The following MAST4 variants were observed in gnomAD, a reference collection of about 807,000 sequenced individuals.
MAST4 encodes the protein microtubule-associated serine/threonine-protein kinase 4.
MAST4 carries 89 observed loss-of-function variants against 162.7 expected under a neutral mutation model. The observed-to-expected ratio is 0.55, with a 90% CI of 0.46 to 0.65. The LOEUF (loss-of-function observed/expected upper bound fraction) is 0.65. Ranked by LOEUF, MAST4 falls within the 30% of genes least tolerant of loss-of-function variation. The pLI is 0.00. For synonymous variants in MAST4, 1,479 were observed against 1,361.1 expected (o/e 1.09, Z -1.91); for missense variants, 3,153 against 3,374.0 (o/e 0.93, Z 1.62).
At chr5:66,941,334 T>C (rs756167439) in intron 4 of MAST4, among the ~76,000 whole-genome samples, 4 of 152,172 alleles carry the variant, frequency 2.6e-5, no homozygotes, top group Non-Finnish European at 4.4e-5. Context: ...TAACATGTTG[T>C]TTAGTGTAGC....
chr5:67,079,251 C>A (rs1762319020), intron 5 of MAST4, among the ~76,000 whole-genome samples: 2 of 151,748 alleles, frequency 1.3e-5, no homozygotes, highest in Admixed American at 6.6e-5. Context: ...ATGATGCTAA[C>A]TGAAATATTG....
chr5:66,838,432 G>A (rs1758183254), intron 3 of MAST4, among the ~76,000 whole-genome samples: 2 of 152,130 alleles, frequency 1.3e-5, no homozygotes, highest in South Asian at 4.1e-4. Context: ...AACTGTTTGT[G>A]TCAGAGAACT....
intron 3 of MAST4, among the ~76,000 whole-genome samples, chr5:66,863,335 T>A (rs928262063): frequency 6.6e-6 from 1 of 152,042 alleles, no homozygotes; most frequent in African/African-American, 2.4e-5. Flanking sequence ...AACAGAAAAA[T>A]TTTGAAGGTG....
chr5:66,739,316 G>T (rs1752348398), intron 1 of MAST4, among the ~76,000 whole-genome samples: 1 of 152,122 alleles, frequency 6.6e-6, no homozygotes, highest in South Asian at 2.1e-4. Flanking sequence ...TTCGGTTGTG[G>T]GGGCAGCAGT....
intron 2 of MAST4, among the ~76,000 whole-genome samples, chr5:66,768,002 A>G (rs1305899693): frequency 6.6e-6 from 1 of 152,180 alleles, no homozygotes; most frequent in Non-Finnish European, 1.5e-5. Context: ...AATCCAGTCA[A>G]GTTGACACTC....
intron 1 of MAST4, among the ~76,000 whole-genome samples, chr5:66,687,925 G>A (rs2149492397): frequency 6.6e-6 from 1 of 152,276 alleles, no homozygotes; most frequent in South Asian, 2.1e-4. Context: ...GTTTGAAGAT[G>A]ATGTGGCAGT....
At chr5:66,621,395 G>A (rs1202951992) in intron 1 of MAST4, among the ~76,000 whole-genome samples, 1 of 152,180 alleles carries the variant, frequency 6.6e-6, no homozygotes, top group Non-Finnish European at 1.5e-5. Context: ...TGTTTGGATA[G>A]CATGTCTAAG....
chr5:66,739,521 G>A (rs1265133392), intron 1 of MAST4, among the ~76,000 whole-genome samples: 2 of 152,088 alleles, frequency 1.3e-5, no homozygotes, highest in African/African-American at 4.8e-5. Flanking sequence ...CATATATAGA[G>A]GCATTTCGAC....
At chr5:66,743,790 T>A (rs762514480) in intron 1 of MAST4, among the ~76,000 whole-genome samples, 9 of 152,232 alleles carry the variant, frequency 5.9e-5, no homozygotes, top group Non-Finnish European at 1.0e-4. Context: ...CTTGGAATTT[T>A]AAAATTTTTT....
At chr5:66,866,175 G>A (rs1328326952) in intron 3 of MAST4, among the ~76,000 whole-genome samples, 1 of 149,004 alleles carries the variant, frequency 6.7e-6, no homozygotes, top group Non-Finnish European at 1.5e-5. Flanking sequence ...TGAACATTAG[G>A]GTGAAAAAAG....
chr5:67,166,664 A>G lies in MAST4; in HGVS notation c.7485A>G (p.Pro2495=). ...AKAAGGMLEL[P]APSNRDHRKA... ...CCGCCGGGGGCATGCTGGAGCTTCC[A>G]GCCCCCAGCAACAGGGACCATAGGA... The change falls in exon 29 of 29, where the codon CCA becomes CCG. Residue 2495 remains proline, a synonymous_variant. Coordinates refer to ENST00000403625, the MANE Select transcript of MAST4 (RefSeq NM_001164664.2). 1 of 1,597,480 alleles carries G rather than the reference A, an allele frequency of 6.3e-7. No individual in the cohort carries two copies. Among genetic ancestry groups the G allele is most frequent in the Admixed American group, 1.7e-5 (1 of 57,584 alleles).
At chr5:66,949,816 C>G (rs144029210) in intron 4 of MAST4, among the ~76,000 whole-genome samples, 1 of 152,208 alleles carries the variant, frequency 6.6e-6, no homozygotes, top group African/African-American at 2.4e-5. Context: ...CAAAAAGTTA[C>G]TGAGTAGTCT....
At chr5:66,747,023 G>A (rs1018773357) in intron 1 of MAST4, among the ~76,000 whole-genome samples, 13 of 151,446 alleles carry the variant, frequency 8.6e-5, no homozygotes, top group Non-Finnish European at 1.8e-4. Context: ...GCAATTAAAT[G>A]CCTACAGTGT....
At chr5:66,845,137 A>ACACT (rs1470489796) in intron 3 of MAST4, among the ~76,000 whole-genome samples, 8 of 140,708 alleles carry the variant, frequency 5.7e-5, no homozygotes, top group African/African-American at 2.1e-4. Context: ...ACACACACAC[A>ACACT]CTTGAAGTTC....
At chr5:66,992,633 T>C (rs1265364165) in intron 4 of MAST4, among the ~76,000 whole-genome samples, 1 of 152,214 alleles carries the variant, frequency 6.6e-6, no homozygotes, top group Non-Finnish European at 1.5e-5. Flanking sequence ...GTGAGATTGA[T>C]TGTCTGTGCA....
intron 4 of MAST4, among the ~76,000 whole-genome samples, chr5:66,988,649 T>C (rs533925954): frequency 2.6e-5 from 4 of 152,276 alleles, no homozygotes; most frequent in African/African-American, 4.8e-5. Flanking sequence ...ACTACTGATA[T>C]TGTGGTTAAA....
intron 4 of MAST4, chr5:66,959,283 G>T (rs1267038799): frequency 1.3e-6 from 1 of 779,614 alleles, no homozygotes; most frequent in Non-Finnish European, 2.4e-6. Context: ...AGATTCCGGG[G>T]CTGACCTTGG....
At chr5:66,889,702 A>G (rs140662855) in intron 3 of MAST4, among the ~76,000 whole-genome samples, 1 of 152,200 alleles carries the variant, frequency 6.6e-6, no homozygotes, top group Non-Finnish European at 1.5e-5. Flanking sequence ...TCCTTCTTCT[A>G]ATTCAAGCAG....
chr5:66,674,112 A>G (rs1747804665), intron 1 of MAST4, among the ~76,000 whole-genome samples: 1 of 152,230 alleles, frequency 6.6e-6, no homozygotes, highest in Non-Finnish European at 1.5e-5. Flanking sequence ...TCATTGGGTC[A>G]TACAACCTGA....
Sources: allele counts gnomAD v4.1 joint callset (sites outside exome capture counted in the v4.1 genomes callset), GRCh38; gene constraint gnomAD v4.1.1; transcripts MANE v1.5; gene names NCBI Gene and HGNC (gene_info 2026-07-23, HGNC 2026-07-21).